The following CDK1 variants were observed in gnomAD, a reference collection of about 807,000 sequenced individuals.
CDK1 encodes cyclin dependent kinase 1.
CDK1 carries 5 observed loss-of-function variants against 34.6 expected under a neutral mutation model. The ratio of observed to expected loss-of-function variants is 0.14; its 90% CI spans 0.08 to 0.30. The LOEUF (loss-of-function observed/expected upper bound fraction) is 0.30. Among genes scored for constraint, CDK1 ranks in the 10% least tolerant of loss-of-function variants. CDK1 has a pLI of 1.00. For synonymous variants in CDK1, 108 were observed against 114.7 expected (o/e 0.94, Z 0.37); for missense variants, 157 against 345.7 (o/e 0.45, Z 4.33).
intron 5 of CDK1, among the ~76,000 whole-genome samples, chr10:60,789,832 T>G (rs1357588428): frequency 2.0e-5 from 3 of 152,180 alleles, no homozygotes; most frequent in African/African-American, 7.2e-5. Context: ...TCTAAACAGT[T>G]TTTCATAATG....
chr10:60,784,995 G>A (rs566084452), intron 3 of CDK1, 134 bp downstream of exon 3: 2 of 724,290 alleles, frequency 2.8e-6, no homozygotes, highest in African/African-American at 3.6e-5. Context: ...ATTTTTGGTA[G>A]TTGAGAATGC....
At position 60,794,795 on chromosome 10, in the gene CDK1, T is replaced by C. The variant is rs1460875908; in HGVS notation, c.*820T>C. The C allele has an allele frequency of 6.6e-6, 1 of 152,154 alleles. No individual in the cohort carries two copies. Among genetic ancestry groups the C allele is most frequent in the African/African-American group, 2.4e-5 (1 of 41,458 alleles). 9.4% of individuals were successfully genotyped at this position (152,154 alleles called of 1,614,324 possible). A position where few individuals can be genotyped will look rare whatever the true frequency, so the allele number is the denominator to read the frequency against. On this transcript the variant is annotated 3_prime_UTR_variant, in exon 8 of 8. Coordinates refer to ENST00000395284, the MANE Select transcript of CDK1 (RefSeq NM_001786.5). ...TTTATTAGCAGCCATCTAAAAAGGCTCTAATGTATATTTAACTAAAATTAC... is the reference window on the plus strand; with the variant it reads ...TTTATTAGCAGCCATCTAAAAAGGCCCTAATGTATATTTAACTAAAATTAC...
chr10:60,792,340 T>A, intron 7 of CDK1, 51 bp downstream of exon 7: 1 of 1,496,296 alleles, frequency 6.7e-7, no homozygotes, highest in Non-Finnish European at 9.0e-7. Flanking sequence ...ATTCTGAATA[T>A]ATTCAGTTCT....
At chr10:60,785,298 C>T (rs983197957) in intron 3 of CDK1, among the ~76,000 whole-genome samples, 1 of 152,116 alleles carries the variant, frequency 6.6e-6, no homozygotes, top group Non-Finnish European at 1.5e-5. Flanking sequence ...AAGTTAAAAT[C>T]TAATTGTACT....
chr10:60,793,924 A>G lies in CDK1; in HGVS notation c.843A>G (p.Ala281=). The G allele has an allele frequency of 1.3e-6, 2 of 1,561,050 alleles. No homozygotes were observed. The highest frequency in any genetic ancestry group is 4.2e-5 in the Admixed American group (2 of 47,922). The change falls in exon 8 of 8, where the codon GCA becomes GCG. Residue 281 remains alanine, a synonymous_variant. Coordinates refer to ENST00000395284, the MANE Select transcript of CDK1 (RefSeq NM_001786.5). ...DPAKRISGKM[A]LNHPYFNDLD... ...CCAAACGAATTTCTGGCAAAATGGC[A>G]CTGAATCATCCATATTTTAATGATT...
At chr10:60,780,025 G>T in intron 1 of CDK1, 116 bp from the exon 2 acceptor site, 1 of 656,500 alleles carries the variant, frequency 1.5e-6, no homozygotes. Flanking sequence ...AATATTTATG[G>T]AATACTTATG....
At chr10:60,786,230 A>C in intron 4 of CDK1, 1 of 948,492 alleles carries the variant, frequency 1.1e-6, no homozygotes, top group Non-Finnish European at 1.3e-6. Context: ...AAAGTGTCTT[A>C]TTCTTGCACC....
intron 2 of CDK1, among the ~76,000 whole-genome samples, chr10:60,783,280 A>G (rs553550461): frequency 2.6e-5 from 4 of 152,270 alleles, no homozygotes; most frequent in East Asian, 3.9e-4. Context: ...TTAATCCACA[A>G]TTTAATCAAA....
chr10:60,788,254 T>C, intron 5 of CDK1, 24 bp downstream of exon 5: 2 of 1,498,858 alleles, frequency 1.3e-6, no homozygotes, highest in Non-Finnish European at 1.8e-6. Context: ...TGGTTTTTGA[T>C]GGCTTTTGAA....
At chr10:60,785,168 A>G (rs1409358915) in intron 3 of CDK1, among the ~76,000 whole-genome samples, 3 of 152,198 alleles carry the variant, frequency 2.0e-5, no homozygotes, top group Non-Finnish European at 4.4e-5. Flanking sequence ...GGGGAGCTCT[A>G]GTTCCTGAAG....
chr10:60,786,152 T>C, intron 4 of CDK1: 1 of 915,008 alleles, frequency 1.1e-6, no homozygotes, highest in African/African-American at 1.8e-5. Context: ...TTGGTCAATT[T>C]ATTGTAGACA....
chr10:60,793,228 A>G (rs951835259), intron 7 of CDK1, among the ~76,000 whole-genome samples: 3 of 152,104 alleles, frequency 2.0e-5, no homozygotes, highest in Non-Finnish European at 4.4e-5. Context: ...AGCAGTTTGT[A>G]TGGTGCTGGT....
At chr10:60,790,144 A>G (rs2080349321) in intron 5 of CDK1, among the ~76,000 whole-genome samples, 1 of 152,140 alleles carries the variant, frequency 6.6e-6, no homozygotes, top group Non-Finnish European at 1.5e-5. Flanking sequence ...TGATTTGCAA[A>G]TAATTTCTCC....
intron 5 of CDK1, among the ~76,000 whole-genome samples, chr10:60,788,720 G>T (rs1002250780): frequency 4.6e-5 from 7 of 151,970 alleles, no homozygotes; most frequent in African/African-American, 1.7e-4. Flanking sequence ...TATAATTTAT[G>T]TTTGATCTGT....
Position 60,788,057 on chromosome 10 carries a change from C to T in CDK1, c.319-3C>T. ...GTTTCTAACTTTTACTTGCTTTTTC[C>T]AGAGTTATTTATACCAAATCCTACA... On this transcript the variant is annotated splice_polypyrimidine_tract_variant and splice_region_variant and intron_variant, in intron 4 of 7. Coordinates refer to ENST00000395284, the MANE Select transcript of CDK1 (RefSeq NM_001786.5). 1.5e-6 allele frequency: 2 copies of T among 1,365,692 alleles called. No individual in the cohort carries two copies. The highest frequency in any genetic ancestry group is 2.1e-5 in the South Asian group (1 of 48,576). 84.6% of individuals were successfully genotyped at this position (1,365,692 alleles called of 1,614,324 possible). A position where few individuals can be genotyped will look rare whatever the true frequency, so the allele number is the denominator to read the frequency against.
chr10:60,791,106 T>G (rs143382595), intron 5 of CDK1, among the ~76,000 whole-genome samples: 28 of 152,252 alleles, frequency 1.8e-4, no homozygotes, highest in African/African-American at 6.7e-4. Context: ...AATTTGTAGA[T>G]TGCATTGGGT....
chr10:60,793,389 T>C (rs2080374839), intron 7 of CDK1, among the ~76,000 whole-genome samples: 1 of 152,110 alleles, frequency 6.6e-6, no homozygotes, highest in South Asian at 2.1e-4. Flanking sequence ...CATACTAAGT[T>C]GTGTGACTAT....
In CDK1 at chr10:60,792,059, T is replaced by TATTAA; in HGVS notation, c.653+8_653+12dup. ...CAACTCTTCAGGATTTTCAGGTAGC[T>TATTAA]ATTAAAAACTGAGATAATAAAGGTA... is the stretch of plus-strand genomic sequence containing the variant. On this transcript the variant is annotated splice_region_variant and intron_variant, in intron 6 of 7. Transcript: ENST00000395284. The TATTAA allele has an allele frequency of 6.5e-7, 1 of 1,533,842 alleles. No homozygotes were observed. The highest frequency in any genetic ancestry group is 2.3e-5 in the East Asian group (1 of 43,502).
chr10:60,784,829 A>C lies in CDK1; in HGVS notation c.162A>C (p.Leu54=), dbSNP rs1330355230. The C allele has an allele frequency of 1.9e-6, 3 of 1,613,750 alleles. No homozygotes were observed. The highest frequency in any genetic ancestry group is 2.5e-6 in the Non-Finnish European group (3 of 1,179,686). ...VPSTAIREIS[L]LKELRHPNIV... ...GTACTGCAATTCGGGAAATTTCTCT[A>C]TTAAAGGAACTTCGTCATCCAAATA... The change falls in exon 3 of 8, where the codon CTA becomes CTC. Residue 54 remains leucine, a synonymous_variant. Transcript: ENST00000395284.
Sources: allele counts gnomAD v4.1 joint callset (sites outside exome capture counted in the v4.1 genomes callset), GRCh38; gene constraint gnomAD v4.1.1; transcripts MANE v1.5; gene names NCBI Gene and HGNC (gene_info 2026-07-23, HGNC 2026-07-21).